Variants in MICAL2 observed in about 807,000 individuals in gnomAD.
MICAL2 encodes the protein microtubule associated monooxygenase, calponin and LIM domain containing 2, also known as [F-actin]-monooxygenase MICAL2.
Under a neutral mutation model 127.3 loss-of-function variants are expected in MICAL2, and 77 were observed. The observed-to-expected ratio is 0.60, with a 90% CI of 0.50 to 0.73. The LOEUF is 0.73. MICAL2 is among the 30% of genes least tolerant of loss of function. The pLI is 0.00. For synonymous variants in MICAL2, 570 were observed against 551.1 expected (o/e 1.03, Z -0.48); for missense variants, 1,351 against 1,434.4 (o/e 0.94, Z 0.94).
chr11:12,224,460 A>T (rs1263189424), intron 12 of MICAL2: 1 of 575,760 alleles, frequency 1.7e-6, no homozygotes, highest in African/African-American at 1.9e-5. Context: ...GGAAGAGAAC[A>T]TGCTTCCTCT....
intron 32 of MICAL2, among the ~76,000 whole-genome samples, chr11:12,344,243 C>G (rs1342364316): frequency 6.6e-6 from 1 of 151,990 alleles, no homozygotes; most frequent in Non-Finnish European, 1.5e-5. Context: ...TTGCAGTGAG[C>G]TGAGATCATG....
intron 7 of MICAL2, among the ~76,000 whole-genome samples, chr11:12,215,123 A>T (rs1855976940): frequency 6.6e-6 from 1 of 152,166 alleles, no homozygotes; most frequent in Non-Finnish European, 1.5e-5. Flanking sequence ...CCTCTAAAAA[A>T]CCAAGAAAAT....
intron 29 of MICAL2, among the ~76,000 whole-genome samples, chr11:12,301,780 CA>C (rs1864050061): frequency 6.6e-6 from 1 of 152,148 alleles, no homozygotes; most frequent in Non-Finnish European, 1.5e-5. Flanking sequence ...TGGCAGTTAA[CA>C]AAGTCAGAAT....
At chr11:12,195,705 C>CTTTTTTT (rs35521222) in intron 3 of MICAL2, among the ~76,000 whole-genome samples, 1 of 144,554 alleles carries the variant, frequency 6.9e-6, no homozygotes. Flanking sequence ...CAATAGATTT[C>CTTTTTTT]TTTTTTTTTT....
intron 3 of MICAL2, among the ~76,000 whole-genome samples, chr11:12,166,739 A>G (rs1363604164): frequency 6.6e-6 from 1 of 152,184 alleles, no homozygotes; most frequent in Non-Finnish European, 1.5e-5. Flanking sequence ...AAGAGCTATG[A>G]GAGAGGTATG....
intron 2 of MICAL2, among the ~76,000 whole-genome samples, chr11:12,151,551 A>G (rs970897839): frequency 6.6e-6 from 1 of 152,160 alleles, no homozygotes; most frequent in Admixed American, 6.5e-5. Context: ...TATAGCTCAC[A>G]TATGTAAAGT....
intron 8 of MICAL2, 36 bp downstream of exon 8, chr11:12,216,355 G>A (rs765258719): frequency 1.1e-4 from 173 of 1,511,690 alleles, no homozygotes; most frequent in Non-Finnish European, 1.5e-4. Flanking sequence ...CCGACTTCGC[G>A]ACCTGGGCTG....
chr11:12,269,677 G>A lies in MICAL2; in HGVS notation c.3335-6309G>A, dbSNP rs117757928. ...GCTCTGCTGAGGGCCGTGGGGAAGG[G>A]GCTGAGGCTCGGCACTGCCTGTCAA... is the stretch of plus-strand genomic sequence containing the variant. On this transcript the variant is annotated intron_variant, in intron 24 of 34. Coordinates refer to the MICAL2 transcript ENST00000646065. Among the ~76,000 whole-genome samples, 796 of 152,318 alleles carry A rather than the reference G, an allele frequency of 5.2e-3. 5 individuals carry two copies. Among genetic ancestry groups the A allele is most frequent in the Non-Finnish European group, 9.3e-3 (631 of 68,024 alleles).
chr11:12,127,206 G>A (rs1002407623), intron 1 of MICAL2, among the ~76,000 whole-genome samples: 5 of 152,158 alleles, frequency 3.3e-5, no homozygotes, highest in Non-Finnish European at 5.9e-5. Context: ...CTAGCTCCAG[G>A]ACATTTCAGT....
downstream of MICAL2, among the ~76,000 whole-genome samples, chr11:12,295,577 T>G (rs1208533958): frequency 6.6e-6 from 1 of 151,624 alleles, no homozygotes; most frequent in African/African-American, 2.4e-5. Context: ...TTTTATTTTT[T>G]GTGGAGATGG....
intron 24 of MICAL2, among the ~76,000 whole-genome samples, chr11:12,270,408 C>T (rs1197313645): frequency 6.6e-6 from 1 of 152,196 alleles, no homozygotes; most frequent in Non-Finnish European, 1.5e-5. Flanking sequence ...GGCTGGAGGG[C>T]AGGATCCAAG....
intron 29 of MICAL2, among the ~76,000 whole-genome samples, chr11:12,304,693 C>G (rs113611660): frequency 7.2e-6 from 1 of 138,276 alleles, no homozygotes; most frequent in Non-Finnish European, 1.6e-5. Context: ...CACACACACA[C>G]AAAACATTCT....
intron 32 of MICAL2, among the ~76,000 whole-genome samples, chr11:12,341,521 C>G (rs923342277): frequency 6.6e-6 from 1 of 151,978 alleles, no homozygotes; most frequent in African/African-American, 2.4e-5. Flanking sequence ...TTCTCTACTA[C>G]TATCTATTCC....
intron 21 of MICAL2, among the ~76,000 whole-genome samples, chr11:12,246,797 C>G (rs1044174806): frequency 6.6e-6 from 1 of 152,070 alleles, no homozygotes; most frequent in Non-Finnish European, 1.5e-5. Flanking sequence ...AATGAAAATC[C>G]ATTGTTAGGC....
At chr11:12,143,401 A>T (rs1260631028) in intron 2 of MICAL2, among the ~76,000 whole-genome samples, 1 of 152,238 alleles carries the variant, frequency 6.6e-6, no homozygotes, top group Non-Finnish European at 1.5e-5. Flanking sequence ...ACTTGCTGCT[A>T]GGTGAGATTC....
At chr11:12,186,864 G>A (rs930833702) in intron 3 of MICAL2, among the ~76,000 whole-genome samples, 2 of 152,192 alleles carry the variant, frequency 1.3e-5, no homozygotes, top group Non-Finnish European at 2.9e-5. Flanking sequence ...GTCTCTTCCT[G>A]AAGCCAGATG....
chr11:12,242,565 G>A (rs1000593919), intron 19 of MICAL2, 106 bp from the exon 20 acceptor site: 9 of 1,425,840 alleles, frequency 6.3e-6, no homozygotes, highest in East Asian at 4.6e-5. Context: ...TGTGTGGTGA[G>A]CAGGCAAGGC....
At chr11:12,288,863 G>A (rs865898676), downstream of MICAL2, among the ~76,000 whole-genome samples, 15 of 152,276 alleles carry the variant, frequency 9.9e-5, no homozygotes, top group African/African-American at 3.1e-4. Context: ...CCAGTCTCCC[G>A]AAAATCCCCA....
At chr11:12,153,093 T>A (rs1204255446) in intron 2 of MICAL2, 3 of 149,004 alleles carry the variant, frequency 2.0e-5, no homozygotes, top group Non-Finnish European at 3.0e-5. Context: ...TGCAGTGGCA[T>A]GATCATGGCT....
Sources: gnomAD v4.1 joint callset for allele counts (sites outside exome capture counted in the v4.1 genomes callset) on GRCh38, gnomAD v4.1.1 for gene constraint, MANE v1.5 for transcripts, NCBI Gene and HGNC (gene_info 2026-07-23, HGNC 2026-07-21) for gene names.